SFXN5: variants seen among roughly 807,000 people sequenced by gnomAD.
The protein encoded by SFXN5 is sideroflexin-5.
Under a neutral mutation model 50.2 loss-of-function variants are expected in SFXN5, and 43 were observed. That is an observed-to-expected ratio of 0.86 (90% CI 0.67 to 1.11). The LOEUF (loss-of-function observed/expected upper bound fraction) is 1.11. Ranked by LOEUF, SFXN5 falls within the 50% of genes least tolerant of loss-of-function variation. The probability of loss-of-function intolerance (pLI) is 0.00; values close to 1 mark genes in which losing one functional copy is unlikely to be tolerated. For synonymous variants in SFXN5, 203 were observed against 185.8 expected (o/e 1.09, Z -0.75); for missense variants, 463 against 454.1 (o/e 1.02, Z -0.18).
At chr2:73,002,109 A>AAAT (rs1673992567) in intron 6 of SFXN5, among the ~76,000 whole-genome samples, 1 of 152,250 alleles carries the variant, frequency 6.6e-6, no homozygotes, top group African/African-American at 2.4e-5. Flanking sequence ...AGTGCTTTGT[A>AAAT]AATACAAGTT....
At position 72,942,371 on chromosome 2, in the gene SFXN5, G is replaced by A. The variant is rs1048704; in HGVS notation, c.*2651C>T. The A allele has an allele frequency of 0.3, 45,718 of 152,258 alleles. 8,872 individuals are homozygous for A. Among genetic ancestry groups the A allele is most frequent in the African/African-American group, 0.55 (22,882 of 41,456 alleles). The allele number at this position is 152,258 out of a possible 1,614,324, so 9.4% of individuals were successfully genotyped here. The stretch of plus-strand genomic sequence containing the variant: ...CCTGCACCCTCACACTGCTGTCTGG[G>A]AATGGAAGAAGGGCATCCCCAAGCC... On this transcript the variant is annotated 3_prime_UTR_variant, in exon 14 of 14. Coordinates refer to ENST00000272433, the MANE Select transcript of SFXN5 (RefSeq NM_144579.3).
At chr2:72,955,916 C>T (rs754179833) in intron 13 of SFXN5, among the ~76,000 whole-genome samples, 4 of 152,246 alleles carry the variant, frequency 2.6e-5, no homozygotes, top group Non-Finnish European at 4.4e-5. Context: ...CCTATAGCGG[C>T]CCCGGCAAGC....
intron 10 of SFXN5, among the ~76,000 whole-genome samples, chr2:72,977,469 T>C (rs575842174): frequency 6.6e-6 from 1 of 152,224 alleles, no homozygotes; most frequent in South Asian, 2.1e-4. Context: ...TCAATCTCAC[T>C]AATAATCAGG....
intron 2 of SFXN5, among the ~76,000 whole-genome samples, chr2:73,045,745 T>G (rs1680241035): frequency 6.6e-6 from 1 of 152,016 alleles, no homozygotes; most frequent in African/African-American, 2.4e-5. Flanking sequence ...AAGGTAATGG[T>G]TATGTGCAGG....
At chr2:72,968,333 A>T (rs1023268917) in intron 12 of SFXN5, 115 bp downstream of exon 12, 1 of 882,108 alleles carries the variant, frequency 1.1e-6, no homozygotes, top group African/African-American at 1.7e-5. Flanking sequence ...CCCTCTACAC[A>T]AACTGGGGTG....
rs183059731 is a variant in SFXN5 at position 72,947,551 on chromosome 2, C to G, written c.946-2452G>C. Among the ~76,000 whole-genome samples the G allele has an allele frequency of 4.1e-3, 625 of 152,324 alleles. 3 individuals are homozygous for G. Among genetic ancestry groups the G allele is most frequent in the African/African-American group, 0.015 (610 of 41,586 alleles). On this transcript the variant is annotated intron_variant, in intron 13 of 13. Coordinates refer to ENST00000272433, the MANE Select transcript of SFXN5 (RefSeq NM_144579.3). ...CCGCCATATGTCAAGATGTGGCAAC[C>G]CTGGGAAGTGGGCAGAAGGTGGTAC... is the stretch of plus-strand genomic sequence containing the variant.
At chr2:72,974,819 C>T (rs1483930026) in intron 10 of SFXN5, among the ~76,000 whole-genome samples, 1 of 147,660 alleles carries the variant, frequency 6.8e-6, no homozygotes, top group Non-Finnish European at 1.5e-5. Context: ...GTGACAGGGA[C>T]ACTGAGAGCC....
At chr2:73,059,435 C>T in intron 1 of SFXN5, 1 of 985,444 alleles carries the variant, frequency 1.0e-6, no homozygotes, top group South Asian at 4.7e-5. Context: ...TCTCCAAGCA[C>T]CATCCTTTGC....
Position 72,971,693 on chromosome 2 carries a change from G to A in SFXN5, c.626-8C>T. The A allele has an allele frequency of 6.2e-7, 1 of 1,605,726 alleles. No individual in the cohort carries two copies. The highest frequency in any genetic ancestry group is 8.5e-7 in the Non-Finnish European group (1 of 1,172,486). On this transcript the variant is annotated splice_region_variant and splice_polypyrimidine_tract_variant and intron_variant, in intron 10 of 13. Transcript: ENST00000272433. ...TGCAGATATTGGCACTGGCTGCAGAGAGAGGGGATGCAGAGAGCAGGATGA... is the reference window on the plus strand; with the variant it reads ...TGCAGATATTGGCACTGGCTGCAGAAAGAGGGGATGCAGAGAGCAGGATGA...
chr2:73,062,073 T>A (rs1009929780), intron 1 of SFXN5, among the ~76,000 whole-genome samples: 3 of 152,168 alleles, frequency 2.0e-5, no homozygotes, highest in African/African-American at 4.8e-5. Flanking sequence ...GCTATGATCA[T>A]GCCACTGCAC....
At chr2:73,025,745 C>T (rs1267629839) in intron 3 of SFXN5, among the ~76,000 whole-genome samples, 1 of 152,200 alleles carries the variant, frequency 6.6e-6, no homozygotes, top group Non-Finnish European at 1.5e-5. Context: ...CCAACTAGAG[C>T]TCCAGACACC....
Position 72,998,932 on chromosome 2 carries a change from G to C in SFXN5, c.534+17C>G, listed in dbSNP as rs529904069. 4.3e-5 allele frequency: 70 copies of C among 1,613,502 alleles called. No homozygotes were observed. In the South Asian group the frequency reaches 7.1e-4, roughly 16 times the overall value. ...AGAGCAGCAGAGCCAAGAAGGAGCA[G>C]GGGAGGGAGTACTCACAGCAATGGA... On this transcript the variant is annotated intron_variant, in intron 9 of 13. Coordinates refer to ENST00000272433, the MANE Select transcript of SFXN5 (RefSeq NM_144579.3).
intron 2 of SFXN5, among the ~76,000 whole-genome samples, chr2:73,055,843 TCCTGA>T (rs1682039186): frequency 6.6e-6 from 1 of 152,166 alleles, no homozygotes; most frequent in Admixed American, 6.5e-5. Flanking sequence ...GGTCTCAATC[TCCTGA>T]CCTCGTTATC....
intron 3 of SFXN5, among the ~76,000 whole-genome samples, chr2:73,028,913 T>C (rs1677945178): frequency 6.6e-6 from 1 of 152,234 alleles, no homozygotes; most frequent in Non-Finnish European, 1.5e-5. Context: ...GCTTACTCCA[T>C]GTGTGGCCCC....
chr2:73,048,186 A>G (rs1413802236), intron 2 of SFXN5, among the ~76,000 whole-genome samples: 3 of 152,234 alleles, frequency 2.0e-5, no homozygotes, highest in African/African-American at 7.2e-5. Context: ...ATATTTATAT[A>G]GAGATATAGA....
intron 2 of SFXN5, among the ~76,000 whole-genome samples, chr2:73,050,612 T>G (rs1681175262): frequency 1.3e-5 from 2 of 152,194 alleles, no homozygotes; most frequent in Non-Finnish European, 2.9e-5. Flanking sequence ...CACGCCACCC[T>G]TAGAAACTTC....
At chr2:73,031,702 T>A (rs78705093) in intron 3 of SFXN5, among the ~76,000 whole-genome samples, 150 of 152,268 alleles carry the variant, frequency 9.9e-4, no homozygotes, top group African/African-American at 3.4e-3. Flanking sequence ...GAGGAACATC[T>A]CCATTTTCAA....
intron 3 of SFXN5, among the ~76,000 whole-genome samples, chr2:73,033,772 A>G (rs1380401473): frequency 6.6e-6 from 1 of 152,224 alleles, no homozygotes. Flanking sequence ...AAAGAGGAAC[A>G]CTATAGTTTC....
intron 2 of SFXN5, among the ~76,000 whole-genome samples, chr2:73,054,842 T>C (rs1239002930): frequency 1.3e-5 from 2 of 152,248 alleles, no homozygotes; most frequent in Admixed American, 1.3e-4. Flanking sequence ...GTGGGCTAGA[T>C]AAGTAGTTTC....
Sources: gnomAD v4.1 joint callset for allele counts (sites outside exome capture counted in the v4.1 genomes callset) on GRCh38, gnomAD v4.1.1 for gene constraint, MANE v1.5 for transcripts, NCBI Gene and HGNC (gene_info 2026-07-23, HGNC 2026-07-21) for gene names.